The following PTPRN2 variants were observed in gnomAD, a reference collection of about 807,000 sequenced individuals.
PTPRN2 encodes the protein receptor-type tyrosine-protein phosphatase N2.
In PTPRN2, 74 loss-of-function variants were observed where a neutral mutation model predicts 118.8. The observed-to-expected ratio is 0.62, with a 90% CI of 0.52 to 0.76. PTPRN2 has a LOEUF of 0.76. PTPRN2 is among the 30% of genes least tolerant of loss of function. PTPRN2 has a pLI of 0.00. For synonymous variants in PTPRN2, 641 were observed against 608.0 expected (o/e 1.05, Z -0.80); for missense variants, 1,481 against 1,394.4 (o/e 1.06, Z -0.99).
chr7:157,576,652 C>T lies in PTPRN2; in HGVS notation c.2744G>A (p.Gly915Glu), dbSNP rs1181336605. ...QFHFLSWYDR[G>E]VPSSSRSLLD... ...GAGGGACCTTGAGGAGGAAGGGACT[C>T]CTCGGTCATACCAACTCAGGAAGTG... Residue 915 changes from glycine (G) to glutamate (E), a missense_variant, in exon 19 of 23, where the codon GGA (glycine) becomes GAA (glutamate). By Grantham distance (98) the Gly-to-Glu change is moderately conservative. Transcript: ENST00000389418. 1 of 1,612,692 alleles carries T rather than the reference C, an allele frequency of 6.2e-7. No individual in the cohort carries two copies. Among genetic ancestry groups the T allele is most frequent in the Non-Finnish European group, 8.5e-7 (1 of 1,179,476 alleles).
chr7:157,714,622 A>G (rs1798809934), intron 12 of PTPRN2, among the ~76,000 whole-genome samples: 1 of 152,240 alleles, frequency 6.6e-6, no homozygotes, highest in Admixed American at 6.5e-5. Context: ...TGGTATTTGC[A>G]GGAATCCCGA....
intron 11 of PTPRN2, among the ~76,000 whole-genome samples, chr7:157,999,676 C>T (rs1476674615): frequency 3.9e-5 from 6 of 152,058 alleles, no homozygotes; most frequent in South Asian, 2.1e-4. Context: ...CTGTTCTCCG[C>T]GAGTCCCTGG....
chr7:158,189,554 A>T (rs951182532), intron 5 of PTPRN2, among the ~76,000 whole-genome samples: 1 of 152,190 alleles, frequency 6.6e-6, no homozygotes, highest in Non-Finnish European at 1.5e-5. Flanking sequence ...TGAGCACGCC[A>T]CTGTCAAGTC....
intron 1 of PTPRN2, among the ~76,000 whole-genome samples, chr7:158,490,612 G>T (rs1459649754): frequency 6.6e-6 from 1 of 152,260 alleles, no homozygotes; most frequent in Admixed American, 6.5e-5. Context: ...GAGCACCCTG[G>T]ACACCAGAAC....
In PTPRN2 at chr7:158,092,968, A is replaced by G. The variant is rs375456548; in HGVS notation, c.1644-11591T>C. Among the ~76,000 whole-genome samples, 408 of 152,362 alleles carry G rather than the reference A, an allele frequency of 2.7e-3. 16 individuals carry two copies. The South Asian group carries it at 0.082, about 31-fold the overall frequency. ...TCATTTGGCAATCGCTATTTTATAG[A>G]TGAATAAGTTGAAACCCTTGTAGTT... is the stretch of plus-strand genomic sequence containing the variant. On this transcript the variant is annotated intron_variant, in intron 10 of 22. Coordinates refer to ENST00000389418, the MANE Select transcript of PTPRN2 (RefSeq NM_002847.5).
intron 11 of PTPRN2, 34 bp from the exon 12 acceptor site, chr7:157,898,771 G>A: frequency 6.5e-7 from 1 of 1,537,514 alleles, no homozygotes; most frequent in South Asian, 1.1e-5. Flanking sequence ...CAAGAGTCAG[G>A]TTGGAGAGGT....
At chr7:157,656,084 G>A (rs1291312902) in intron 14 of PTPRN2, among the ~76,000 whole-genome samples, 1 of 151,366 alleles carries the variant, frequency 6.6e-6, no homozygotes, top group Non-Finnish European at 1.5e-5. Context: ...TAAATAGCGG[G>A]TGCTCACTCT....
At position 157,610,175 on chromosome 7, in the gene PTPRN2, G is replaced by C. The variant is rs1002896097; in HGVS notation, c.2345-6100C>G. Among the ~76,000 whole-genome samples the C allele has an allele frequency of 6.6e-6, 1 of 152,198 alleles. No homozygotes were observed. Among genetic ancestry groups the C allele is most frequent in the Non-Finnish European group, 1.5e-5 (1 of 68,032 alleles). On this transcript the variant is annotated intron_variant, in intron 15 of 22. Coordinates refer to ENST00000389418, the MANE Select transcript of PTPRN2 (RefSeq NM_002847.5). This position sits in a 1 kb window ranked among gnomAD's most constrained non-coding sequence, Gnocchi z 5.1. ...GGGCTCCACGGTGCTGCTGTTTGGA[G>C]GATGCGTGAGGCCATCTGTGAAGCC...
intron 11 of PTPRN2, among the ~76,000 whole-genome samples, chr7:157,915,946 G>T (rs939263836): frequency 1.3e-5 from 2 of 152,090 alleles, no homozygotes; most frequent in Non-Finnish European, 2.9e-5. Flanking sequence ...TCTCTGCCCC[G>T]CCCCAGCTGC....
intron 11 of PTPRN2, among the ~76,000 whole-genome samples, chr7:158,026,656 G>C (rs1218754670): frequency 6.6e-6 from 1 of 152,166 alleles, no homozygotes; most frequent in Non-Finnish European, 1.5e-5. Context: ...AGCTGCAGTG[G>C]GCCTGGCTGT....
rs573799141 is a variant in PTPRN2 at position 157,962,602 on chromosome 7, C to G, written c.1724-63865G>C. ...CAGACCCCAGGCCTTTTATTGGTAC[C>G]TACACACCCGGGGTCAGGTGCAGCC... On this transcript the variant is annotated intron_variant, in intron 11 of 22. Coordinates refer to ENST00000389418, the MANE Select transcript of PTPRN2 (RefSeq NM_002847.5). Among the ~76,000 whole-genome samples the G allele has an allele frequency of 2.6e-5, 4 of 152,284 alleles. 1 individual carries two copies. In the East Asian group the frequency reaches 7.7e-4, roughly 29 times the overall value.
intron 2 of PTPRN2, among the ~76,000 whole-genome samples, chr7:158,431,213 A>G (rs952503238): frequency 6.6e-6 from 1 of 151,576 alleles, no homozygotes; most frequent in African/African-American, 2.4e-5. Context: ...CTGGGCCCAC[A>G]CTGGCTTACA....
At chr7:157,646,965 G>T (rs1231916982) in intron 14 of PTPRN2, among the ~76,000 whole-genome samples, 2 of 149,210 alleles carry the variant, frequency 1.3e-5, no homozygotes, top group African/African-American at 2.5e-5. Context: ...AACTCGGTGG[G>T]TTGGACCCAT....
chr7:158,498,669 T>C lies in PTPRN2; in HGVS notation c.113-8884A>G, dbSNP rs116749594. ...CGGGACTAAGAAAACATTTCTAACC[T>C]TGCTTTCACAGATAAAAAGTTAAAG... is the stretch of plus-strand genomic sequence containing the variant. On this transcript the variant is annotated intron_variant, in intron 1 of 22. Transcript: ENST00000389418. Among the ~76,000 whole-genome samples, 790 of 152,330 alleles carry C rather than the reference T, an allele frequency of 5.2e-3. 11 individuals carry two copies. Among genetic ancestry groups the C allele is most frequent in the African/African-American group, 0.018 (734 of 41,582 alleles).
intron 3 of PTPRN2, among the ~76,000 whole-genome samples, chr7:158,239,762 G>A (rs1195987981): frequency 6.6e-6 from 1 of 152,218 alleles, no homozygotes; most frequent in African/African-American, 2.4e-5. Context: ...TGCACGCCAA[G>A]ACAAGACGTC....
At chr7:157,967,267 G>A (rs1232921269) in intron 11 of PTPRN2, among the ~76,000 whole-genome samples, 1 of 152,192 alleles carries the variant, frequency 6.6e-6, no homozygotes, top group African/African-American at 2.4e-5. Context: ...CTGTGATTGT[G>A]CCACTGCACT....
At chr7:157,696,858 A>T (rs71542597) in intron 12 of PTPRN2, among the ~76,000 whole-genome samples, 3 of 37,902 alleles carry the variant, frequency 7.9e-5, no homozygotes, top group Non-Finnish European at 1.4e-4. Flanking sequence ...CACCGTCTAC[A>T]CATGCATACT....
In PTPRN2 at chr7:158,087,312, A is replaced by ACCCTGTCTTT. The variant is rs1813501695; in HGVS notation, c.1644-5936_1644-5935insAAAGACAGGG. Among the ~76,000 whole-genome samples, 7 of 152,188 alleles carry ACCCTGTCTTT rather than the reference A, an allele frequency of 4.6e-5. No homozygotes were observed. In the South Asian group the frequency reaches 1.5e-3, roughly 32 times the overall value. On this transcript the variant is annotated intron_variant, in intron 10 of 22. Coordinates refer to ENST00000389418, the MANE Select transcript of PTPRN2 (RefSeq NM_002847.5). ...AAGGGAGGGGACTGTCTCTTTCCCG[A>ACCCTGTCTTT]CCCTGGACCGTGCAGTGAAGATCTC...
chr7:158,082,157 G>A (rs1361953218), intron 10 of PTPRN2, among the ~76,000 whole-genome samples: 1 of 152,064 alleles, frequency 6.6e-6, no homozygotes, highest in Non-Finnish European at 1.5e-5. Flanking sequence ...ATGCGAAGAG[G>A]ACCCAATTTA....
Sources: allele counts gnomAD v4.1 joint callset (sites outside exome capture counted in the v4.1 genomes callset), GRCh38; gene constraint gnomAD v4.1.1; non-coding constraint Gnocchi (gnomAD v3.1); transcripts MANE v1.5; gene names NCBI Gene and HGNC (gene_info 2026-07-23, HGNC 2026-07-21).